Variants in ZNF500 observed in about 807,000 individuals in gnomAD.
ZNF500 encodes zinc finger protein with KRAB and SCAN domains 18.
Under a neutral mutation model 30.1 loss-of-function variants are expected in ZNF500, and 31 were observed. That is an observed-to-expected ratio of 1.03 (90% CI 0.77 to 1.39). ZNF500 has a LOEUF of 1.39. ZNF500 is among the 40% of genes most tolerant of loss of function. The pLI is 0.00. For synonymous variants in ZNF500, 392 were observed against 282.0 expected, an observed-to-expected ratio of 1.39 and a Z score of -3.91; for missense variants, 817 against 657.8, an observed-to-expected ratio of 1.24 and a Z score of -2.65.
chr16:4,752,996 A>T lies in ZNF500; in HGVS notation c.823T>A (p.Trp275Arg). 1 of 1,581,436 alleles carries T rather than the reference A, an allele frequency of 6.3e-7. No homozygotes were observed. The highest frequency in any genetic ancestry group is 8.6e-7 in the Non-Finnish European group (1 of 1,163,938). The change falls in exon 6 of 6, where the codon TGG (tryptophan) becomes AGG (arginine). Residue 275 changes from tryptophan (W) to arginine (R), a missense_variant. By Grantham distance (101) the Trp-to-Arg change is moderately radical. Coordinates refer to ENST00000219478, the MANE Select transcript of ZNF500 (RefSeq NM_021646.4). ...GREDAPLRME[W>R]YRVLSARCQG... ...CATCGTGCCGAGAGCACTCGGTACC[A>T]CTCCATTCTCAACGGGGCATCCTCC...
At position 4,763,887 on chromosome 16, in the gene ZNF500, A is replaced by G. The variant is rs1012410581; in HGVS notation, c.415-1131T>C. 5 of 985,338 alleles carry G rather than the reference A, an allele frequency of 5.1e-6. No individual in the cohort carries two copies. The African/African-American group carries it at 8.7e-5, about 17-fold the overall frequency. The allele number at this position is 985,338 out of a possible 1,614,324, so 61.0% of individuals were successfully genotyped here. On this transcript the variant is annotated intron_variant, in intron 2 of 5. Coordinates refer to ENST00000219478, the MANE Select transcript of ZNF500 (RefSeq NM_021646.4). Reference sequence around the variant, plus strand: ...CCTCCTCTGTTGGCTGCAAAAGGCCAGCAGTGTGCAGCCAGCAGCACTGCC... The same window carrying G: ...CCTCCTCTGTTGGCTGCAAAAGGCCGGCAGTGTGCAGCCAGCAGCACTGCC...
chr16:4,751,690 A>G lies in ZNF500; in HGVS notation c.*686T>C. ...TGGAAACACGGGTTTTGATGATATAATTAGTTAAGATGAGGTCACAGTGTA... is the reference window on the plus strand; with the variant it reads ...TGGAAACACGGGTTTTGATGATATAGTTAGTTAAGATGAGGTCACAGTGTA... On this transcript the variant is annotated 3_prime_UTR_variant, in exon 6 of 6. Transcript: ENST00000219478. The G allele has an allele frequency of 6.7e-7, 1 of 1,498,730 alleles. No homozygotes were observed. The allele number at this position is 1,498,730 out of a possible 1,614,324, so 92.8% of individuals were successfully genotyped here.
chr16:4,754,834 G>A (rs901694123), intron 5 of ZNF500, among the ~76,000 whole-genome samples: 2 of 152,270 alleles, frequency 1.3e-5, no homozygotes, highest in Admixed American at 1.3e-4. Context: ...TCCCCAATGT[G>A]GAGGTGGGGC....
chr16:4,762,477 C>T (rs1363581937), intron 3 of ZNF500, 96 bp downstream of exon 3: 3 of 1,513,540 alleles, frequency 2.0e-6, no homozygotes, highest in African/African-American at 2.8e-5. Flanking sequence ...ACCCTGCATC[C>T]AGGCAGGCCT....
downstream of ZNF500, chr16:4,746,425 C>T (rs994258633): frequency 1.2e-6 from 2 of 1,613,256 alleles, no homozygotes; most frequent in Non-Finnish European, 1.7e-6. Flanking sequence ...CCGCAGCTGG[C>T]CCAGGGCATG....
rs1456997714 is a variant in ZNF500 at position 4,762,221 on chromosome 16, G to A, written c.663+50C>T. On this transcript the variant is annotated intron_variant, in intron 4 of 5. Coordinates refer to ENST00000219478, the MANE Select transcript of ZNF500 (RefSeq NM_021646.4). ...CTTAACAAGGAAGTGTGACACACAG[G>A]AGGTCGGGCCAGACCCCAGGATGCT... is the stretch of plus-strand genomic sequence containing the variant. The A allele has an allele frequency of 2.5e-6, 4 of 1,586,660 alleles. No individual in the cohort carries two copies. In the African/African-American group the frequency reaches 5.4e-5, roughly 21 times the overall value.
In ZNF500 at chr16:4,765,846, TG is replaced by T; in HGVS notation, c.132del (p.Ser45AlafsTer24). The T allele has an allele frequency of 1.9e-6, 3 of 1,613,786 alleles. No homozygotes were observed. Among genetic ancestry groups the T allele is most frequent in the Non-Finnish European group, 2.5e-6 (3 of 1,180,014 alleles). On this transcript the variant is annotated frameshift_variant, in exon 2 of 6. Coordinates refer to ENST00000219478, the MANE Select transcript of ZNF500 (RefSeq NM_021646.4). LOFTEE classifies it high-confidence loss of function. ...EEEPSVETED[P>X]SPETFRQLFR... ...AAGAGCTGGCGGAAAGTCTCAGGGC[TG>T]GGGTCCTCCGTCTCCACGGAGGGCT... is the stretch of plus-strand genomic sequence containing the variant.
downstream of ZNF500, chr16:4,744,836 C>G (rs1161996860): frequency 6.3e-7 from 1 of 1,596,508 alleles, no homozygotes; most frequent in Admixed American, 1.7e-5. Context: ...GGGCCAAGTC[C>G]CCACTAATCA....
Position 4,752,242 on chromosome 16 carries a change from C to T in ZNF500, c.*134G>A. On this transcript the variant is annotated 3_prime_UTR_variant, in exon 6 of 6. Coordinates refer to ENST00000219478, the MANE Select transcript of ZNF500 (RefSeq NM_021646.4). ...TCTGCGGCCTGGGCATCCCAAATGT[C>T]CCCTGCTGGCCTCATACTGGGCCAT... 7.0e-7 allele frequency: 1 copy of T among 1,424,966 alleles called. No individual in the cohort carries two copies. Among genetic ancestry groups the T allele is most frequent in the South Asian group, 1.6e-5 (1 of 62,728 alleles). 88.3% of individuals were successfully genotyped at this position (1,424,966 alleles called of 1,614,324 possible).
intron 5 of ZNF500, among the ~76,000 whole-genome samples, chr16:4,755,211 C>A (rs537603802): frequency 1.4e-4 from 21 of 152,318 alleles, no homozygotes; most frequent in Non-Finnish European, 2.4e-4. Flanking sequence ...CCCAGGCTGG[C>A]CTCAAACTCC....
rs1355881293 is a variant in ZNF500, at chr16:4,766,073, G to T, written c.-95C>A. 7.7e-6 allele frequency: 11 copies of T among 1,427,828 alleles called. No homozygotes were observed. Among genetic ancestry groups the T allele is most frequent in the Non-Finnish European group, 1.0e-5 (11 of 1,077,784 alleles). 88.4% of individuals were successfully genotyped at this position (1,427,828 alleles called of 1,614,324 possible). A position where few individuals can be genotyped will look rare whatever the true frequency, so the allele number is the denominator to read the frequency against. On this transcript the variant is annotated 5_prime_UTR_variant, in exon 2 of 6. Transcript: ENST00000219478. ...GACACAGGAAGAGAGTTTTTTTCAG[G>T]GCCCTGTGGAGAGACGATAAAACCA...
At position 4,762,560 on chromosome 16, in the gene ZNF500, G is replaced by C. The variant is rs769763229; in HGVS notation, c.598+13C>G. 2.5e-6 allele frequency: 4 copies of C among 1,605,034 alleles called. No individual in the cohort carries two copies. Among genetic ancestry groups the C allele is most frequent in the East Asian group, 4.5e-5 (2 of 44,750 alleles). On this transcript the variant is annotated intron_variant, in intron 3 of 5. Coordinates refer to ENST00000219478, the MANE Select transcript of ZNF500 (RefSeq NM_021646.4). Reference sequence around the variant, plus strand: ...TGCACCACTTCTCATTCCTCCAAAGGGGTGCTACTCACCTCTCTCTGGCCA... The same window carrying C: ...TGCACCACTTCTCATTCCTCCAAAGCGGTGCTACTCACCTCTCTCTGGCCA...
At chr16:4,762,792 G>A (rs773707529) in intron 2 of ZNF500, 36 bp from the exon 3 acceptor site, 1 of 1,540,374 alleles carries the variant, frequency 6.5e-7, no homozygotes, top group East Asian at 2.3e-5. Flanking sequence ...CCAGCTCCCA[G>A]AAGGCCAGAA....
chr16:4,757,123 G>A (rs1228718719), intron 5 of ZNF500, among the ~76,000 whole-genome samples: 1 of 152,192 alleles, frequency 6.6e-6, no homozygotes, highest in Middle Eastern at 3.2e-3. Flanking sequence ...GTGAAGATAC[G>A]AAACGCCACT....
chr16:4,753,201 C>T, intron 5 of ZNF500, 143 bp from the exon 6 acceptor site: 1 of 1,396,990 alleles, frequency 7.2e-7, no homozygotes, highest in Non-Finnish European at 9.3e-7. Context: ...TGGCTCACGC[C>T]TATAATCCCA....
intron 2 of ZNF500, chr16:4,763,772 T>C (rs2082233509): frequency 2.0e-6 from 2 of 985,324 alleles, no homozygotes; most frequent in Non-Finnish European, 2.4e-6. Context: ...GCTGGCCGGC[T>C]GGGAAGAAAC....
chr16:4,766,142 AAGCCCCTGCCCTGGTT>A, intron 1 of ZNF500, 66 bp from the exon 2 acceptor site: 1 of 781,842 alleles, frequency 1.3e-6, no homozygotes, highest in East Asian at 3.0e-5. Flanking sequence ...TTGGCCTGGG[AAGCCCCTGCCCTGGTT>A]CCAAGGCCAG....
At chr16:4,746,502 T>A, downstream of ZNF500, 2 of 1,613,544 alleles carry the variant, frequency 1.2e-6, no homozygotes, top group Non-Finnish European at 1.7e-6. Context: ...AGACCACCTG[T>A]CCCCAGAAAG....
chr16:4,752,915 C>T lies in ZNF500; in HGVS notation c.904G>A (p.Val302Ile). 1 of 1,613,832 alleles carries T rather than the reference C, an allele frequency of 6.2e-7. No homozygotes were observed. The highest frequency in any genetic ancestry group is 8.5e-7 in the Non-Finnish European group (1 of 1,180,002). The change falls in exon 6 of 6, where the codon GTC becomes ATC. Residue 302 changes from valine to isoleucine, a missense_variant. By Grantham distance (29) the Val-to-Ile change is conservative (BLOSUM62 3). Transcript: ENST00000219478. ...CCGCCTCTTGGCTGATCAGGCCTGA[C>T]CAAGCCCCTGACTGGGGCTGGCCTC... ...GQRPAPVRGL[V>I]RPDQPRGGPP...
Sources: allele counts gnomAD v4.1 joint callset (sites outside exome capture counted in the v4.1 genomes callset), GRCh38; gene constraint gnomAD v4.1.1; transcripts MANE v1.5; gene names NCBI Gene and HGNC (gene_info 2026-07-23, HGNC 2026-07-21).